Variants in APC observed in about 807,000 individuals in gnomAD.
APC encodes APC regulator of Wnt signaling pathway.
A neutral mutation model predicts 247.0 loss-of-function variants in APC; 72 were observed. The ratio of observed to expected loss-of-function variants is 0.29; its 90% CI spans 0.24 to 0.35. The LOEUF is 0.35. APC is among the 10% of genes least tolerant of loss of function. The probability of loss-of-function intolerance (pLI) is 1.00; values close to 1 mark genes in which losing one functional copy is unlikely to be tolerated. For missense variants in APC, 3,400 were observed against 3,360.7 expected (o/e 1.01, Z -0.29); for synonymous variants, 1,254 against 1,162.5 (o/e 1.08, Z -1.60).
intron 2 of APC, among the ~76,000 whole-genome samples, chr5:112,764,506 A>T (rs762996916): frequency 3.3e-5 from 5 of 152,236 alleles, no homozygotes; most frequent in Non-Finnish European, 5.9e-5. Flanking sequence ...GGCTAATGCC[A>T]TTTAACTGAG....
chr5:112,736,623 C>CT (rs143738399), upstream of APC, among the ~76,000 whole-genome samples: 1 of 152,144 alleles, frequency 6.6e-6, no homozygotes, highest in Non-Finnish European at 1.5e-5. Flanking sequence ...CATTTAAAAA[C>CT]TTTAAGTTTA....
chr5:112,751,819 C>T (rs931657309), intron 1 of APC, among the ~76,000 whole-genome samples: 3 of 151,802 alleles, frequency 2.0e-5, no homozygotes, highest in Admixed American at 2.0e-4. Flanking sequence ...TAGAATGGTA[C>T]CCTGACTGTA....
At chr5:112,763,614 A>AT (rs972976926) in intron 2 of APC, among the ~76,000 whole-genome samples, 2 of 152,178 alleles carry the variant, frequency 1.3e-5, no homozygotes, top group African/African-American at 4.8e-5. Flanking sequence ...TGTACGAAGG[A>AT]TTTTTTATTT....
chr5:112,743,827 ATGAAGACTC>A (rs1172577417), intron 1 of APC, among the ~76,000 whole-genome samples: 1 of 152,164 alleles, frequency 6.6e-6, no homozygotes, highest in Admixed American at 6.5e-5. Flanking sequence ...TGATCCATTT[ATGAAGACTC>A]TGTCCTCAAA....
At chr5:112,743,863 A>G (rs1409300283) in intron 1 of APC, among the ~76,000 whole-genome samples, 3 of 152,116 alleles carry the variant, frequency 2.0e-5, no homozygotes, top group African/African-American at 4.8e-5. Flanking sequence ...CACATTTGAC[A>G]TGACATTTTT....
chr5:112,767,483 T>A, intron 4 of APC, 93 bp downstream of exon 4: 2 of 1,037,074 alleles, frequency 1.9e-6, no homozygotes, highest in Non-Finnish European at 2.9e-6. Context: ...TTATAGTAGG[T>A]GATAGCTAAC....
chr5:112,767,630 G>C (rs1756506394), intron 4 of APC, among the ~76,000 whole-genome samples: 1 of 151,840 alleles, frequency 6.6e-6, no homozygotes. Context: ...TTTTTTGTTT[G>C]TTTTTTGGGG....
chr5:112,785,347 A>G (rs115020219), intron 6 of APC, among the ~76,000 whole-genome samples: 108 of 152,316 alleles, frequency 7.1e-4, no homozygotes, highest in Middle Eastern at 3.4e-3. Context: ...TCAAGTTAAG[A>G]TACATACAAA....
intron 6 of APC, among the ~76,000 whole-genome samples, chr5:112,791,156 AAC>A (rs147798111): frequency 5.6e-4 from 85 of 150,548 alleles, no homozygotes; most frequent in Middle Eastern, 3.5e-3. Context: ...TAGCTTAAAA[AAC>A]ACACACACAC....
At chr5:112,783,455 T>C (rs1357178891) in intron 6 of APC, among the ~76,000 whole-genome samples, 2 of 151,386 alleles carry the variant, frequency 1.3e-5, no homozygotes, top group African/African-American at 4.8e-5. Context: ...ATATAAGAGA[T>C]TTAATATCCC....
upstream of APC, chr5:112,737,856 G>T: frequency 1.0e-6 from 1 of 985,730 alleles, no homozygotes; most frequent in Non-Finnish European, 1.2e-6. Flanking sequence ...CCGACATGTG[G>T]CTGTATTGGT....
chr5:112,796,371 C>A (rs955391477), intron 7 of APC, among the ~76,000 whole-genome samples: 1 of 151,952 alleles, frequency 6.6e-6, no homozygotes. Context: ...AGAGTTCTTT[C>A]AAAAAACATT....
At chr5:112,740,560 T>G (rs1169601961) in intron 1 of APC, among the ~76,000 whole-genome samples, 1 of 150,020 alleles carries the variant, frequency 6.7e-6, no homozygotes, top group Non-Finnish European at 1.5e-5. Flanking sequence ...GGGTCTCACT[T>G]TGTCAACCCA....
intron 11 of APC, among the ~76,000 whole-genome samples, chr5:112,823,589 TG>T (rs1763354346): frequency 6.6e-6 from 1 of 152,230 alleles, no homozygotes; most frequent in African/African-American, 2.4e-5. Flanking sequence ...TTCAGTCAGC[TG>T]GGATGGTCAT....
At chr5:112,771,851 C>A (rs568593596) in intron 4 of APC, among the ~76,000 whole-genome samples, 19 of 151,954 alleles carry the variant, frequency 1.3e-4, no homozygotes, top group African/African-American at 4.1e-4. Flanking sequence ...ATCTGTACTC[C>A]TCAAGATAAA....
rs1411717516 is a variant in APC at position 112,835,169 on chromosome 5, T to C, written c.1958+4T>C. On this transcript the variant is annotated splice_donor_region_variant and intron_variant, in intron 15 of 15. Coordinates refer to ENST00000257430, the MANE Select transcript of APC (RefSeq NM_000038.6). ...TAGCTACAAATGAGGACCACAGGTA[T>C]ATATAGAGTTTTATATTACTTTTAA... 1 of 1,608,948 alleles carries C rather than the reference T, an allele frequency of 6.2e-7. No homozygotes were observed. The highest frequency in any genetic ancestry group is 2.2e-5 in the East Asian group (1 of 44,642).
chr5:112,816,825 C>G lies in APC; in HGVS notation c.933+1232C>G, dbSNP rs116591447. On this transcript the variant is annotated intron_variant, in intron 9 of 15. Transcript: ENST00000257430. The stretch of plus-strand genomic sequence containing the variant: ...AAAAAAAAAGAGGAAAATATAGTTA[C>G]TTTATTATTTTAAAGTCAGAGATTT... Among the ~76,000 whole-genome samples, 1,442 of 151,420 alleles carry G rather than the reference C, an allele frequency of 9.5e-3. 24 individuals carry two copies. The highest frequency in any genetic ancestry group is 0.034 in the African/African-American group (1,387 of 41,334).
At chr5:112,751,803 G>C (rs950477083) in intron 1 of APC, among the ~76,000 whole-genome samples, 2 of 151,634 alleles carry the variant, frequency 1.3e-5, no homozygotes, top group Non-Finnish European at 2.9e-5. Flanking sequence ...CTAATATTAT[G>C]ACTAATAGAA....
intron 1 of APC, among the ~76,000 whole-genome samples, chr5:112,721,593 A>AC (rs1410128128): frequency 1.1e-4 from 17 of 152,280 alleles, no homozygotes; most frequent in African/African-American, 3.9e-4. Flanking sequence ...TGGGTAATCC[A>AC]CGTAGACTTT....
Sources: gnomAD v4.1 joint callset for allele counts (sites outside exome capture counted in the v4.1 genomes callset) on GRCh38, gnomAD v4.1.1 for gene constraint, MANE v1.5 for transcripts, NCBI Gene and HGNC (gene_info 2026-07-23, HGNC 2026-07-21) for gene names.